The following HERC1 variants were observed in gnomAD, a reference collection of about 807,000 sequenced individuals.
HERC1 encodes the protein probable E3 ubiquitin-protein ligase HERC1.
In HERC1, 160 loss-of-function variants were observed where a neutral mutation model predicts 554.3. The observed-to-expected ratio is 0.29, with a 90% CI of 0.25 to 0.33. HERC1 has a LOEUF of 0.33. Ranked by LOEUF, HERC1 falls within the 10% of genes least tolerant of loss-of-function variation. The pLI, the probability that HERC1 is intolerant of heterozygous loss-of-function variation, is 1.00. For missense variants in HERC1, 4,919 were observed against 5,918.5 expected (o/e 0.83, Z 5.54); for synonymous variants, 2,175 against 2,131.7 (o/e 1.02, Z -0.56).
intron 69 of HERC1, 43 bp downstream of exon 69, chr15:63,630,423 A>ATTTC (rs2068495845): frequency 6.3e-7 from 1 of 1,578,712 alleles, no homozygotes; most frequent in African/African-American, 1.4e-5. Context: ...ACACTGTGAG[A>ATTTC]TTTCTAGAAT....
intron 1 of HERC1, among the ~76,000 whole-genome samples, chr15:63,827,397 C>A (rs1034490912): frequency 1.3e-5 from 2 of 151,554 alleles, no homozygotes; most frequent in Non-Finnish European, 2.9e-5. Flanking sequence ...GCACTCCAGC[C>A]TGAGCAACAG....
intron 21 of HERC1, among the ~76,000 whole-genome samples, chr15:63,717,445 A>G (rs1165984780): frequency 6.6e-6 from 1 of 152,222 alleles, no homozygotes; most frequent in Non-Finnish European, 1.5e-5. Context: ...CTACAAAGAT[A>G]ATGTTTTATT....
In HERC1 at chr15:63,729,610, A is replaced by G. The variant is rs1246654430; in HGVS notation, c.2908T>C (p.Phe970Leu). 1 of 1,613,906 alleles carries G rather than the reference A, an allele frequency of 6.2e-7. No individual in the cohort carries two copies. Among genetic ancestry groups the G allele is most frequent in the Non-Finnish European group, 8.5e-7 (1 of 1,179,790 alleles). Residue 970 changes from phenylalanine to leucine, a missense_variant, in exon 15 of 78, where the codon TTT becomes CTT. Coordinates refer to ENST00000443617, the MANE Select transcript of HERC1 (RefSeq NM_003922.4). ...FGELEKNSDK[F>L]LLGTSSSENS... ...TCTGATGATGATGTTCCAAGTAGAA[A>G]TTTATCACTATTCTTTTCTAGCTCT...
At chr15:63,739,194 A>ATTTTTT (rs1567071803) in intron 12 of HERC1, among the ~76,000 whole-genome samples, 1 of 50,640 alleles carries the variant, frequency 2.0e-5, no homozygotes, top group Non-Finnish European at 5.0e-5. Context: ...CCACTAATAT[A>ATTTTTT]CTTTTTTTTT....
Position 63,626,046 on chromosome 15 carries a change from T to C in HERC1, c.13214A>G (p.Tyr4405Cys), listed in dbSNP as rs1475527726. The C allele has an allele frequency of 3.1e-6, 5 of 1,612,620 alleles. No individual in the cohort carries two copies. In the Admixed American group the frequency reaches 5.0e-5, roughly 16 times the overall value. ...TGAGTACATGAGGTCAGAGAAGTGG[T>C]AGAGCAGCCGGAGCCTGGCCCGCAC... ...HTVRARLRLL[Y>C]HFSDLMYSSW... Residue 4405 changes from tyrosine (Y) to cysteine (C), a missense_variant, in exon 71 of 78, where the codon TAC becomes TGC. This residue lies in a region of HERC1 where 410 missense variants were observed against 467.0 expected (regional missense o/e 0.88). Transcript: ENST00000443617.
chr15:63,716,984 T>C (rs150363835), intron 21 of HERC1, among the ~76,000 whole-genome samples: 106 of 152,324 alleles, frequency 7.0e-4, no homozygotes, highest in African/African-American at 2.4e-3. Context: ...AGGACAATGT[T>C]AACTTGATTT....
chr15:63,656,076 A>C lies in HERC1; in HGVS notation c.9870+12T>G. On this transcript the variant is annotated intron_variant, in intron 49 of 77. Transcript: ENST00000443617. ...ATCAATGTAACGGGGAAAAGTACTGAAAGTAGCTTACCTGTGTACACAACT... is the reference window on the plus strand; with the variant it reads ...ATCAATGTAACGGGGAAAAGTACTGCAAGTAGCTTACCTGTGTACACAACT... 6.2e-7 allele frequency: 1 copy of C among 1,609,256 alleles called. No homozygotes were observed. Among genetic ancestry groups the C allele is most frequent in the Non-Finnish European group, 8.5e-7 (1 of 1,176,314 alleles).
chr15:63,757,793 T>C (rs1469653916), intron 4 of HERC1, among the ~76,000 whole-genome samples: 1 of 152,154 alleles, frequency 6.6e-6, no homozygotes, highest in African/African-American at 2.4e-5. Flanking sequence ...CACTGCAACC[T>C]CCGCCTCCCA....
intron 3 of HERC1, among the ~76,000 whole-genome samples, chr15:63,762,468 C>A (rs775825965): frequency 1.3e-5 from 2 of 152,028 alleles, no homozygotes; most frequent in African/African-American, 4.8e-5. Flanking sequence ...GGATTACAGA[C>A]GTCTGCCGCC....
At chr15:63,782,875 G>A (rs990532453) in intron 1 of HERC1, among the ~76,000 whole-genome samples, 2 of 152,328 alleles carry the variant, frequency 1.3e-5, no homozygotes, top group Middle Eastern at 3.4e-3. Context: ...GACTTCAGTG[G>A]AGGAAGTAAC....
Position 63,693,961 on chromosome 15 carries a change from T to C in HERC1, c.5674+3A>G. ...TAAAGACAGAGAAAGAGGCTTACAT[T>C]ACCTCTGAAATCTTTCTTCTCAGTT... On this transcript the variant is annotated splice_donor_region_variant and intron_variant, in intron 30 of 77. Coordinates refer to ENST00000443617, the MANE Select transcript of HERC1 (RefSeq NM_003922.4). 1 of 1,550,376 alleles carries C rather than the reference T, an allele frequency of 6.5e-7. No homozygotes were observed. Among genetic ancestry groups the C allele is most frequent in the South Asian group, 1.2e-5 (1 of 83,794 alleles).
chr15:63,649,815 C>T lies in HERC1; in HGVS notation c.10657G>A (p.Gly3553Arg), dbSNP rs1484254178. Residue 3553 changes from glycine to arginine, a missense_variant, in exon 54 of 78, where the codon GGA becomes AGA. Around this residue, in one of 11 missense-constraint regions of HERC1, gnomAD observed 1,963 missense variants for 2,228.6 expected, o/e 0.88. Transcript: ENST00000443617. ...AGTCCCAGAGATCCATCCATCCGTC[C>T]CACCAACAACAATTCTGGAGACTCT... ...SGESPELLLVGRMDGSLGLIE... is the reference protein window; with the variant it reads ...SGESPELLLVRRMDGSLGLIE... 1 of 1,613,488 alleles carries T rather than the reference C, an allele frequency of 6.2e-7. No individual in the cohort carries two copies. Among genetic ancestry groups the T allele is most frequent in the Non-Finnish European group, 8.5e-7 (1 of 1,179,774 alleles).
At chr15:63,615,396 G>T (rs2067772352) in intron 76 of HERC1, among the ~76,000 whole-genome samples, 6 of 152,134 alleles carry the variant, frequency 3.9e-5, no homozygotes, top group Admixed American at 3.3e-4. Flanking sequence ...ATCACTTGAG[G>T]CCAGGAGTTC....
rs2071272484 is a variant in HERC1, at chr15:63,677,545, T to C, written c.7070+300A>G. Among the ~76,000 whole-genome samples, 1 of 152,194 alleles carries C rather than the reference T, an allele frequency of 6.6e-6. No individual in the cohort carries two copies. Among genetic ancestry groups the C allele is most frequent in the Admixed American group, 6.5e-5 (1 of 15,278 alleles). On this transcript the variant is annotated intron_variant, in intron 37 of 77. Coordinates refer to ENST00000443617, the MANE Select transcript of HERC1 (RefSeq NM_003922.4). The surrounding 1 kb of genome is among the most constrained non-coding windows in gnomAD (Gnocchi z 4.4). ...AATGATCAAAATGCAAAAAGCCAAA[T>C]GAAAATTGGAAGAAGAATCCCAGTT...
chr15:63,654,549 T>C (rs557735263), intron 50 of HERC1, among the ~76,000 whole-genome samples: 4 of 152,250 alleles, frequency 2.6e-5, no homozygotes, highest in African/African-American at 4.8e-5. Flanking sequence ...AGAAATCTGA[T>C]TCATTAAAAA....
intron 34 of HERC1, among the ~76,000 whole-genome samples, chr15:63,681,588 T>TA (rs975107915): frequency 1.8e-3 from 263 of 143,790 alleles, no homozygotes; most frequent in Non-Finnish European, 1.8e-3. Context: ...TACACTGATT[T>TA]AAAAAAAAAA....
chr15:63,722,355 C>T (rs1330222499), intron 19 of HERC1, among the ~76,000 whole-genome samples: 1 of 152,130 alleles, frequency 6.6e-6, no homozygotes, highest in Non-Finnish European at 1.5e-5. Flanking sequence ...AGTACACATC[C>T]TTTCAGTCAT....
intron 19 of HERC1, among the ~76,000 whole-genome samples, chr15:63,719,839 G>C (rs1456985964): frequency 1.3e-5 from 2 of 152,148 alleles, no homozygotes; most frequent in East Asian, 3.8e-4. Context: ...AAGACCACAT[G>C]AACAGTTTCG....
In HERC1 at chr15:63,666,019, G is replaced by T. The variant is rs1555414085; in HGVS notation, c.8455C>A (p.Leu2819Ile). The T allele has an allele frequency of 1.2e-6, 2 of 1,613,996 alleles. No homozygotes were observed. The highest frequency in any genetic ancestry group is 1.1e-5 in the South Asian group (1 of 91,086). ...TCATTTGACTTCCCGCCACTGCCTA[G>T]AACGGCTGCTCCAGGCCTAGAGTCT... ...TADSRPGAAV[L>I]GSGGKSNDPC... The change falls in exon 42 of 78, where the codon CTA (leucine) becomes ATA (isoleucine). Residue 2819 changes from leucine to isoleucine, a missense_variant. Coordinates refer to ENST00000443617, the MANE Select transcript of HERC1 (RefSeq NM_003922.4).
Sources: gnomAD v4.1 joint callset for allele counts (sites outside exome capture counted in the v4.1 genomes callset) on GRCh38, gnomAD v4.1.1 for gene constraint, gnomAD v4.1.1 regional missense constraint, Gnocchi (gnomAD v3.1) non-coding constraint, MANE v1.5 for transcripts, NCBI Gene and HGNC (gene_info 2026-07-23, HGNC 2026-07-21) for gene names.